The following MYO9A variants were observed in gnomAD, a reference collection of about 807,000 sequenced individuals.
MYO9A encodes the protein unconventional myosin-IXa.
In MYO9A, 103 loss-of-function variants were observed where a neutral mutation model predicts 293.3. The ratio of observed to expected loss-of-function variants is 0.35; its 90% CI spans 0.30 to 0.41. The LOEUF is 0.41. MYO9A is among the 10% of genes least tolerant of loss of function. MYO9A has a pLI of 1.00. For missense variants in MYO9A, 2,685 were observed against 3,033.0 expected (o/e 0.89, Z 2.69); for synonymous variants, 1,001 against 1,035.7 (o/e 0.97, Z 0.64).
At position 71,951,797 on chromosome 15, in the gene MYO9A, C is replaced by T. The variant is rs779932823; in HGVS notation, c.2282G>A (p.Arg761Lys). 1.9e-6 allele frequency: 3 copies of T among 1,613,652 alleles called. No homozygotes were observed. In the South Asian group the frequency reaches 3.3e-5, roughly 18 times the overall value. The change falls in exon 15 of 42, where the codon AGA (arginine) becomes AAA (lysine). Residue 761 changes from arginine (R) to lysine (K), a missense_variant. Arg to Lys is a conservative substitution (Grantham distance 26, BLOSUM62 2). This residue lies in a region of MYO9A where 1,434 missense variants were observed against 1,497.7 expected (regional missense o/e 0.96). Transcript: ENST00000356056. ...VHQRSLEILQ[R>K]CKEEKYSITR... ...CTTACTGTACTTCTCTTCCTTGCAT[C>T]TCTGCAGAATCTCTAAGCTCCTCTG...
intron 1 of MYO9A, among the ~76,000 whole-genome samples, chr15:72,047,833 A>G (rs2078435554): frequency 8.6e-6 from 1 of 116,272 alleles, no homozygotes; most frequent in African/African-American, 3.4e-5. Context: ...GCTAGAGTAC[A>G]GCGGCATGAT....
At chr15:71,901,042 T>C (rs2057467904) in intron 23 of MYO9A, 149 bp downstream of exon 23, 1 of 690,586 alleles carries the variant, frequency 1.4e-6, no homozygotes, top group South Asian at 2.2e-5. Flanking sequence ...CTGTTGGGTG[T>C]TATGAGCACT....
chr15:72,005,422 C>T (rs892114561), intron 8 of MYO9A, among the ~76,000 whole-genome samples: 1 of 151,902 alleles, frequency 6.6e-6, no homozygotes, highest in Non-Finnish European at 1.5e-5. Context: ...GCTGAACTGC[C>T]TAGACTTATA....
chr15:71,875,865 A>T (rs2056666633), intron 31 of MYO9A, 27 bp from the exon 32 acceptor site: 1 of 1,260,438 alleles, frequency 7.9e-7, no homozygotes, highest in African/African-American at 1.6e-5. Context: ...AGATATATGG[A>T]AATTGTGATA....
chr15:71,999,752 C>T (rs1207325314), intron 9 of MYO9A, 99 bp downstream of exon 9: 4 of 798,322 alleles, frequency 5.0e-6, no homozygotes, highest in Non-Finnish European at 7.8e-6. Context: ...AAACTTTTTG[C>T]CATTGTCATT....
chr15:72,093,055 A>G (rs1450322698), intron 1 of MYO9A, among the ~76,000 whole-genome samples: 1 of 152,206 alleles, frequency 6.6e-6, no homozygotes, highest in Admixed American at 6.5e-5. Context: ...GGAAAAATTA[A>G]CAAGAAAAAA....
At chr15:72,090,013 T>C (rs892082579) in intron 1 of MYO9A, among the ~76,000 whole-genome samples, 1 of 152,228 alleles carries the variant, frequency 6.6e-6, no homozygotes, top group Non-Finnish European at 1.5e-5. Flanking sequence ...TTATTAAGAC[T>C]AAGTATACAG....
Position 72,032,579 on chromosome 15 carries a change from T to C in MYO9A, c.850A>G (p.Asn284Asp). The C allele has an allele frequency of 6.3e-7, 1 of 1,589,666 alleles. No individual in the cohort carries two copies. The highest frequency in any genetic ancestry group is 8.5e-7 in the Non-Finnish European group (1 of 1,172,124). ...TTGTTATTATGAGCTGTCTTTGCATTTCCAAAGGCCTGTCAAAATAAATAA... is the reference window on the plus strand; with the variant it reads ...TTGTTATTATGAGCTGTCTTTGCATCTCCAAAGGCCTGTCAAAATAAATAA... ...GAGPVLEAFG[N>D]AKTAHNNNSS... is the part of the protein sequence containing the mutation. The change falls in exon 3 of 42, where the codon AAT becomes GAT. Residue 284 changes from asparagine (N) to aspartate (D), a missense_variant. By Grantham distance (23) the Asn-to-Asp change is conservative. Transcript: ENST00000356056.
At chr15:71,926,129 T>C (rs2058308053) in intron 18 of MYO9A, among the ~76,000 whole-genome samples, 2 of 152,052 alleles carry the variant, frequency 1.3e-5, no homozygotes, top group South Asian at 4.1e-4. Flanking sequence ...GTAATTTCTT[T>C]ACCTGTAGTC....
intron 16 of MYO9A, among the ~76,000 whole-genome samples, chr15:71,937,403 C>T (rs1352728108): frequency 6.6e-6 from 1 of 152,140 alleles, no homozygotes; most frequent in Non-Finnish European, 1.5e-5. Context: ...CCACCTTAAA[C>T]AGTCAGCAGC....
At chr15:72,085,408 G>C (rs1156434221) in intron 1 of MYO9A, among the ~76,000 whole-genome samples, 3 of 149,990 alleles carry the variant, frequency 2.0e-5, no homozygotes, top group Non-Finnish European at 4.4e-5. Flanking sequence ...AAAAAAAAAA[G>C]AAAAAATGAA....
intron 22 of MYO9A, among the ~76,000 whole-genome samples, chr15:71,901,613 C>G (rs2057486526): frequency 6.6e-6 from 1 of 151,566 alleles, no homozygotes; most frequent in Middle Eastern, 3.4e-3. Flanking sequence ...TTTGCTGAAG[C>G]CCAGGAGTTC....
In MYO9A at chr15:71,848,853, T is replaced by C. The variant is rs1567193658; in HGVS notation, c.6829A>G (p.Arg2277Gly). Residue 2277 changes from arginine to glycine, a missense_variant, in exon 39 of 42, where the codon AGA becomes GGA. Physicochemically the swap from Arg to Gly is moderately radical, Grantham distance 125. Coordinates refer to ENST00000356056, the MANE Select transcript of MYO9A (RefSeq NM_006901.4). ...KAKTRLSLIR[R>G]SMGKGRIRRG... ...CATGTGTTGCATCTTACCATTGATCTACGAATCAGTGACAACCTGGTCTTT... is the reference window on the plus strand; with the variant it reads ...CATGTGTTGCATCTTACCATTGATCCACGAATCAGTGACAACCTGGTCTTT... 7 of 1,603,258 alleles carry C rather than the reference T, an allele frequency of 4.4e-6. No individual in the cohort carries two copies. Among genetic ancestry groups the C allele is most frequent in the Non-Finnish European group, 5.1e-6 (6 of 1,177,442 alleles).
At chr15:72,100,859 G>A (rs539806171) in intron 1 of MYO9A, among the ~76,000 whole-genome samples, 2 of 149,518 alleles carry the variant, frequency 1.3e-5, no homozygotes, top group African/African-American at 4.9e-5. Flanking sequence ...CGCCCCGTCC[G>A]GGAGGGAGGT....
chr15:72,111,969 C>T (rs1329841159), intron 1 of MYO9A, among the ~76,000 whole-genome samples: 3 of 152,052 alleles, frequency 2.0e-5, no homozygotes, highest in Non-Finnish European at 4.4e-5. Context: ...AACTGACTTG[C>T]CCATAAATGA....
Position 71,998,701 on chromosome 15 carries a change from G to A in MYO9A, c.1470+1150C>T, listed in dbSNP as rs186181003. Reference sequence around the variant, plus strand: ...CATTAACTCGTCATTTAGCATTAGGGATATCTCCTAATGCTATCCCTCCCC... The same window carrying A: ...CATTAACTCGTCATTTAGCATTAGGAATATCTCCTAATGCTATCCCTCCCC... On this transcript the variant is annotated intron_variant, in intron 9 of 41. Transcript: ENST00000356056. 3.2e-3 allele frequency among the ~76,000 whole-genome samples: 491 copies of A among 151,826 alleles called. 4 individuals carry two copies. The highest frequency in any genetic ancestry group is 4.8e-3 in the Non-Finnish European group (323 of 67,936).
chr15:72,035,457 G>C (rs79917087), intron 2 of MYO9A, among the ~76,000 whole-genome samples: 1 of 152,230 alleles, frequency 6.6e-6, no homozygotes, highest in South Asian at 2.1e-4. Context: ...AACAACTGCC[G>C]TATTTTAACA....
chr15:72,043,853 T>C (rs992658084), intron 2 of MYO9A, among the ~76,000 whole-genome samples: 4 of 152,210 alleles, frequency 2.6e-5, no homozygotes, highest in African/African-American at 9.6e-5. Flanking sequence ...CAATTATACC[T>C]ACAAAATATC....
chr15:71,936,198 C>G (rs1233985703), intron 16 of MYO9A, among the ~76,000 whole-genome samples: 1 of 151,922 alleles, frequency 6.6e-6, no homozygotes, highest in East Asian at 1.9e-4. Flanking sequence ...ATTATGTTAA[C>G]TGAAATAAGC....
Sources: allele counts gnomAD v4.1 joint callset (sites outside exome capture counted in the v4.1 genomes callset), GRCh38; gene constraint gnomAD v4.1.1; regional missense constraint gnomAD v4.1.1; transcripts MANE v1.5; gene names NCBI Gene and HGNC (gene_info 2026-07-23, HGNC 2026-07-21).